Variants in IL1RAPL1 observed in about 807,000 individuals in gnomAD.
IL1RAPL1 encodes the protein interleukin-1 receptor accessory protein-like 1.
Under a neutral mutation model 48.4 loss-of-function variants are expected in IL1RAPL1, and 3 were observed. The ratio of observed to expected loss-of-function variants is 0.06; its 90% confidence interval spans 0.03 to 0.16. The LOEUF (loss-of-function observed/expected upper bound fraction) is 0.16, where lower values mean the gene tolerates loss of function less well. IL1RAPL1 is among the 10% of genes least tolerant of loss of function. The pLI is 1.00. For missense variants in IL1RAPL1, 349 were observed against 530.6 expected (o/e 0.66, Z 3.36); for synonymous variants, 185 against 187.7 (o/e 0.99, Z 0.12).
intron 1 of IL1RAPL1, among the ~76,000 whole-genome samples, chrX:28,621,373 T>C (rs778890232): frequency 4.1e-4 from 46 of 111,588 alleles, no homozygotes; most frequent in Non-Finnish European, 7.0e-4. Context: ...AAAATTTCAG[T>C]CGCTCTTTGG....
At chrX:29,112,043 C>T (rs1471180431) in intron 2 of IL1RAPL1, among the ~76,000 whole-genome samples, 1 of 106,098 alleles carries the variant, frequency 9.4e-6, no homozygotes, top group East Asian at 3.0e-4. Flanking sequence ...GATTCTCTCA[C>T]CTCTGCCCCC....
At chrX:28,660,141 T>TGTGTGTGTGTGTGTG (rs1934805232) in intron 1 of IL1RAPL1, among the ~76,000 whole-genome samples, 2 of 54,575 alleles carry the variant, frequency 3.7e-5, no homozygotes, top group African/African-American at 6.7e-5. Flanking sequence ...GTGTGTGTGT[T>TGTGTGTGTGTGTGTG]GGAGTTACTG....
At chrX:29,091,075 A>G (rs979888265) in intron 2 of IL1RAPL1, among the ~76,000 whole-genome samples, 11 of 112,327 alleles carry the variant, frequency 9.8e-5, no homozygotes, top group African/African-American at 3.6e-4. Context: ...AAAGGAAGAG[A>G]TTATCAGTTT....
intron 5 of IL1RAPL1, among the ~76,000 whole-genome samples, chrX:29,429,039 G>A (rs1255585323): frequency 2.7e-5 from 3 of 112,085 alleles, no homozygotes; most frequent in South Asian, 3.7e-4. Context: ...ACTCCAAGGC[G>A]AACTCTTCCC....
chrX:29,009,382 A>G (rs1926069228), intron 2 of IL1RAPL1, among the ~76,000 whole-genome samples: 1 of 112,061 alleles, frequency 8.9e-6, no homozygotes, highest in Admixed American at 9.4e-5. Context: ...TTACCTATAC[A>G]TAAAGTTTGA....
At chrX:29,419,046 G>T (rs1210017110) in intron 5 of IL1RAPL1, among the ~76,000 whole-genome samples, 1 of 111,597 alleles carries the variant, frequency 9.0e-6, no homozygotes, top group East Asian at 2.8e-4. Flanking sequence ...ATCTGTATTT[G>T]TTGTTTATGA....
chrX:29,379,744 C>T (rs952977160), intron 3 of IL1RAPL1, among the ~76,000 whole-genome samples: 1 of 111,929 alleles, frequency 8.9e-6, no homozygotes, highest in Non-Finnish European at 1.9e-5. Context: ...CATTTCCATC[C>T]ACTCTTGGCA....
At chrX:29,823,031 TG>T (rs1006713717) in intron 6 of IL1RAPL1, among the ~76,000 whole-genome samples, 7 of 112,068 alleles carry the variant, frequency 6.2e-5, no homozygotes, top group African/African-American at 2.3e-4. Context: ...TCAATTTAAT[TG>T]GACATAGTCT....
At chrX:29,667,160 A>G (rs776627144) in intron 5 of IL1RAPL1, among the ~76,000 whole-genome samples, 2 of 112,463 alleles carry the variant, frequency 1.8e-5, no homozygotes, top group Non-Finnish European at 3.8e-5. Context: ...AGTAATAAAG[A>G]TGAATGGATA....
At chrX:29,172,395 T>C (rs1302189029) in intron 2 of IL1RAPL1, among the ~76,000 whole-genome samples, 1 of 111,308 alleles carries the variant, frequency 9.0e-6, no homozygotes, top group Non-Finnish European at 1.9e-5. Flanking sequence ...AACTCAGGAG[T>C]TGGAGCCCAG....
At chrX:28,888,046 T>A (rs1157060895) in intron 2 of IL1RAPL1, among the ~76,000 whole-genome samples, 1 of 111,068 alleles carries the variant, frequency 9.0e-6, no homozygotes, top group African/African-American at 3.3e-5. Context: ...AGTCAGGTGC[T>A]ATTTATCCCA....
chrX:29,476,644 A>G (rs1001084620), intron 5 of IL1RAPL1, among the ~76,000 whole-genome samples: 2 of 110,205 alleles, frequency 1.8e-5, no homozygotes, highest in Non-Finnish European at 3.8e-5. Flanking sequence ...AAAGTATTTG[A>G]TGCCTTAATA....
rs1320049312 is a variant in IL1RAPL1 at position 29,378,127 on chromosome X, G to A, written c.363-18131G>A. On this transcript the variant is annotated intron_variant, in intron 3 of 10. Coordinates refer to ENST00000378993, the MANE Select transcript of IL1RAPL1 (RefSeq NM_014271.4). The stretch of plus-strand genomic sequence containing the variant: ...GTTGATTCAAAGAACAAGTCTTTGA[G>A]CTATGAGATTCTTTTCTCAGTTTGG... Among the ~76,000 whole-genome samples, 2 of 107,829 alleles carry A rather than the reference G, an allele frequency of 1.9e-5. 1 individual carries two copies. Among genetic ancestry groups the A allele is most frequent in the Admixed American group, 2.0e-4 (2 of 10,019 alleles). The allele number at this position is 107,829 out of a possible 115,157, so 93.6% of individuals were successfully genotyped here. A position where few individuals can be genotyped will look rare whatever the true frequency, so the allele number is the denominator to read the frequency against.
chrX:29,029,250 G>A (rs931057578), intron 2 of IL1RAPL1, among the ~76,000 whole-genome samples: 1 of 111,135 alleles, frequency 9.0e-6, no homozygotes, highest in African/African-American at 3.3e-5. Flanking sequence ...TGAGATTTGG[G>A]TGGGGACACA....
In IL1RAPL1 at chrX:29,500,144, A is replaced by AT. The variant is rs200494308; in HGVS notation, c.703+100844dup. 3.5e-3 allele frequency among the ~76,000 whole-genome samples: 377 copies of AT among 108,908 alleles called. 5 individuals are homozygous for AT. In the East Asian group the frequency reaches 0.066, roughly 19 times the overall value. The allele number at this position is 108,908 out of a possible 115,157, so 94.6% of individuals were successfully genotyped here. On this transcript the variant is annotated intron_variant, in intron 5 of 10. Coordinates refer to ENST00000378993, the MANE Select transcript of IL1RAPL1 (RefSeq NM_014271.4). ...AGGTGCATGCCACCACACCTGGCTA[A>AT]TTTTTTTTGTATTTTTAGTAGAGAC...
intron 3 of IL1RAPL1, among the ~76,000 whole-genome samples, chrX:29,367,396 A>T (rs761019965): frequency 2.9e-4 from 32 of 111,234 alleles, no homozygotes; most frequent in Non-Finnish European, 5.1e-4. Context: ...CATTTGAAGA[A>T]TATTGTCTGG....
At chrX:29,128,933 T>C (rs1928955885) in intron 2 of IL1RAPL1, among the ~76,000 whole-genome samples, 1 of 111,521 alleles carries the variant, frequency 9.0e-6, no homozygotes, top group Non-Finnish European at 1.9e-5. Flanking sequence ...TTGGTGTTCA[T>C]CTAATTTGCA....
intron 1 of IL1RAPL1, among the ~76,000 whole-genome samples, chrX:28,786,747 G>C (rs1165451914): frequency 8.9e-6 from 1 of 111,824 alleles, no homozygotes; most frequent in East Asian, 2.8e-4. Context: ...ACAGGAAACA[G>C]GCAACTGGTT....
intron 2 of IL1RAPL1, among the ~76,000 whole-genome samples, chrX:29,273,851 T>C (rs1932079456): frequency 9.2e-6 from 1 of 108,947 alleles, no homozygotes; most frequent in Non-Finnish European, 1.9e-5. Flanking sequence ...ATGGTGGGGG[T>C]GGGGTTGCCA....
Sources: allele counts gnomAD v4.1 joint callset (sites outside exome capture counted in the v4.1 genomes callset), GRCh38; gene constraint gnomAD v4.1.1; transcripts MANE v1.5; gene names NCBI Gene and HGNC (gene_info 2026-07-23, HGNC 2026-07-21).